The following PACRG variants were observed in gnomAD, a reference collection of about 807,000 sequenced individuals.
The protein encoded by PACRG is parkin coregulated gene protein.
PACRG carries 29 observed loss-of-function variants against 29.7 expected under a neutral mutation model. The ratio of observed to expected loss-of-function variants is 0.98; its 90% CI spans 0.73 to 1.33. The LOEUF is 1.33. PACRG is among the 40% of genes most tolerant of loss of function. PACRG has a pLI of 0.00. For synonymous variants in PACRG, 116 were observed against 118.7 expected (o/e 0.98, Z 0.15); for missense variants, 279 against 316.2 (o/e 0.88, Z 0.89).
intron 2 of PACRG, among the ~76,000 whole-genome samples, chr6:162,983,706 G>T (rs966705723): frequency 7.2e-5 from 11 of 151,914 alleles, no homozygotes; most frequent in African/African-American, 2.2e-4. Context: ...TCCCTTAGAG[G>T]TTACCTATGC....
rs1204150606 is a variant in PACRG at position 162,779,025 on chromosome 6, C to G, written c.157-35122C>G. Among the ~76,000 whole-genome samples the G allele has an allele frequency of 7.2e-5, 11 of 152,232 alleles. No individual in the cohort carries two copies. The South Asian group carries it at 2.3e-3, about 32-fold the overall frequency. On this transcript the variant is annotated intron_variant, in intron 1 of 4. Transcript: ENST00000366888. ...CATTAGCGGTTCTTCCTGATGCGTTCCCTCCCTCTGCTCCACTGACAGGCC... is the reference window on the plus strand; with the variant it reads ...CATTAGCGGTTCTTCCTGATGCGTTGCCTCCCTCTGCTCCACTGACAGGCC...
intron 3 of PACRG, among the ~76,000 whole-genome samples, chr6:163,077,294 C>A (rs1475588095): frequency 2.0e-5 from 3 of 152,028 alleles, no homozygotes; most frequent in Admixed American, 6.6e-5. Context: ...GGAGAGGTGA[C>A]CCTGGTTGCC....
intron 4 of PACRG, among the ~76,000 whole-genome samples, chr6:163,288,553 G>A (rs1585402258): frequency 6.6e-6 from 1 of 152,300 alleles, no homozygotes; most frequent in South Asian, 2.1e-4. Context: ...TTTCGCGACT[G>A]TCATACCTTT....
At chr6:163,276,020 T>C (rs558237272) in intron 4 of PACRG, among the ~76,000 whole-genome samples, 7 of 143,876 alleles carry the variant, frequency 4.9e-5, no homozygotes, top group East Asian at 4.2e-4. Flanking sequence ...TCTTTCTTTC[T>C]TTCTTTCTTT....
At chr6:163,016,469 G>T (rs1158604608) in intron 2 of PACRG, among the ~76,000 whole-genome samples, 1 of 151,778 alleles carries the variant, frequency 6.6e-6, no homozygotes, top group South Asian at 2.1e-4. Context: ...TCTGCCACTA[G>T]GTTCAGCCTG....
At chr6:162,987,869 C>G (rs9458704) in intron 2 of PACRG, among the ~76,000 whole-genome samples, 2,145 of 152,284 alleles carry the variant, frequency 0.014, 51 homozygotes, top group African/African-American at 0.049. Context: ...GTCCCATGGA[C>G]AGACCCAGGA....
At chr6:162,821,968 A>C (rs1239231962) in intron 2 of PACRG, among the ~76,000 whole-genome samples, 5 of 152,188 alleles carry the variant, frequency 3.3e-5, no homozygotes, top group Non-Finnish European at 7.3e-5. Flanking sequence ...TCAAAGTATC[A>C]TCCTCCCAGA....
rs1158447439 is a variant in PACRG at position 162,814,161 on chromosome 6, A to G, written c.171A>G (p.Pro57=). Residue 57 remains proline, a synonymous_variant, in exon 2 of 5, where the codon CCA becomes CCG. Transcript: ENST00000366888. ...TTCCAATTAAGGTGAGAGGCCCTCCAGCTGCAGGGGCATTTAAAGAAAGAC... is the reference window on the plus strand; with the variant it reads ...TTCCAATTAAGGTGAGAGGCCCTCCGGCTGCAGGGGCATTTAAAGAAAGAC... ...MMKNSVVRGP[P]AAGAFKERPT... The G allele has an allele frequency of 4.3e-6, 7 of 1,612,038 alleles. No homozygotes were observed. The highest frequency in any genetic ancestry group is 5.9e-6 in the Non-Finnish European group (7 of 1,178,798).
Position 163,196,077 on chromosome 6 carries a change from C to G in PACRG, c.613+106669C>G, listed in dbSNP as rs571168386. On this transcript the variant is annotated intron_variant, in intron 4 of 4. Coordinates refer to ENST00000366888, the MANE Select transcript of PACRG (RefSeq NM_001080379.2). ...CTCAGTTTCCTTCAGTTTCCTCCAG[C>G]TCATCTCCTGCCCACCTCAAAAGCA... Among the ~76,000 whole-genome samples, 3 of 152,348 alleles carry G rather than the reference C, an allele frequency of 2.0e-5. No individual in the cohort carries two copies. In the South Asian group the frequency reaches 6.2e-4, roughly 32 times the overall value.
chr6:163,256,311 G>T (rs983967780), intron 4 of PACRG, among the ~76,000 whole-genome samples: 1 of 152,122 alleles, frequency 6.6e-6, no homozygotes, highest in Admixed American at 6.5e-5. Flanking sequence ...GTCCCACCAC[G>T]TGCGGGGCAC....
At chr6:163,060,836 G>A (rs1811039050) in intron 2 of PACRG, 1 of 152,100 alleles carries the variant, frequency 6.6e-6, no homozygotes, top group South Asian at 2.1e-4. Flanking sequence ...CCAGAATGCT[G>A]AGAGAGAGCT....
chr6:162,782,853 G>C (rs995059507), intron 1 of PACRG, among the ~76,000 whole-genome samples: 1 of 151,768 alleles, frequency 6.6e-6, no homozygotes, highest in African/African-American at 2.4e-5. Flanking sequence ...AACTTTAATG[G>C]TAATACTAAG....
chr6:162,742,219 C>T (rs548235412), intron 1 of PACRG, among the ~76,000 whole-genome samples: 23 of 152,236 alleles, frequency 1.5e-4, no homozygotes, highest in African/African-American at 5.5e-4. Context: ...AGGGACCCAG[C>T]AGGACATAAT....
At chr6:162,990,556 A>G (rs961170280) in intron 2 of PACRG, among the ~76,000 whole-genome samples, 1 of 110,540 alleles carries the variant, frequency 9.0e-6, no homozygotes. Context: ...GTGTCTGTTC[A>G]TGTCCTTTGC....
At chr6:163,241,882 C>T (rs769546821) in intron 4 of PACRG, among the ~76,000 whole-genome samples, 15 of 152,228 alleles carry the variant, frequency 9.9e-5, no homozygotes, top group African/African-American at 3.4e-4. Context: ...GTCCAGCCCC[C>T]GTCTGGCATT....
At chr6:162,890,153 G>A in intron 2 of PACRG, among the ~76,000 whole-genome samples, 1 of 152,184 alleles carries the variant, frequency 6.6e-6, no homozygotes, top group Admixed American at 6.5e-5. Flanking sequence ...AACATAAAAT[G>A]CAGCCTAGTT....
chr6:163,138,633 C>T (rs1001396415), intron 4 of PACRG, among the ~76,000 whole-genome samples: 3 of 152,110 alleles, frequency 2.0e-5, no homozygotes, highest in South Asian at 4.1e-4. Context: ...TGACAGGAGG[C>T]GGAGCTCAGG....
chr6:163,125,921 T>C (rs1042859518), intron 4 of PACRG, among the ~76,000 whole-genome samples: 11 of 152,244 alleles, frequency 7.2e-5, no homozygotes, highest in African/African-American at 2.7e-4. Flanking sequence ...ATGATACATA[T>C]GTTCTGCCTT....
chr6:163,217,822 A>G (rs1781422802), intron 4 of PACRG, among the ~76,000 whole-genome samples: 1 of 149,024 alleles, frequency 6.7e-6, no homozygotes, highest in Non-Finnish European at 1.5e-5. Context: ...GTCTCCCATC[A>G]CCCCATCACA....
Sources: allele counts gnomAD v4.1 joint callset (sites outside exome capture counted in the v4.1 genomes callset), GRCh38; gene constraint gnomAD v4.1.1; transcripts MANE v1.5; gene names NCBI Gene and HGNC (gene_info 2026-07-23, HGNC 2026-07-21).